The following ACSS2 variants were observed in gnomAD, a reference collection of about 807,000 sequenced individuals.
The protein encoded by ACSS2 is acetyl-coenzyme A synthetase, cytoplasmic.
In ACSS2, 58 loss-of-function variants were observed where a neutral mutation model predicts 90.6. The observed-to-expected ratio is 0.64, with a 90% CI of 0.52 to 0.80. ACSS2 has a LOEUF of 0.80. Among genes scored for constraint, ACSS2 ranks in the 30% least tolerant of loss-of-function variants. The pLI is 0.00. For synonymous variants in ACSS2, 300 were observed against 330.9 expected (o/e 0.91, Z 1.01); for missense variants, 759 against 912.0 (o/e 0.83, Z 2.16).
chr20:34,897,427 T>G (rs1325151107), intron 2 of ACSS2, among the ~76,000 whole-genome samples: 1 of 152,248 alleles, frequency 6.6e-6, no homozygotes, highest in Non-Finnish European at 1.5e-5. Flanking sequence ...AGGCTCTGCC[T>G]TATTCTGGAT....
In ACSS2 at chr20:34,914,655, C is replaced by T. The variant is rs73616612; in HGVS notation, c.834+218C>T. Among the ~76,000 whole-genome samples the T allele has an allele frequency of 1.6e-3, 244 of 152,200 alleles. 1 individual carries two copies. In the East Asian group the frequency reaches 0.037, roughly 23 times the overall value. On this transcript the variant is annotated intron_variant, in intron 7 of 17. Transcript: ENST00000360596. ...TTGTACCTTGAGAACATAGCACAAG[C>T]GATTGTAAGGGAGACTCCTATGCTG...
In ACSS2 at chr20:34,926,299, G is replaced by A; in HGVS notation, c.1903+18G>A. 6.2e-7 allele frequency: 1 copy of A among 1,612,744 alleles called. No individual in the cohort carries two copies. Among genetic ancestry groups the A allele is most frequent in the South Asian group, 1.1e-5 (1 of 90,992 alleles). The stretch of plus-strand genomic sequence containing the variant: ...GAAGCAGAGTAAGGAGCCTCCCTGG[G>A]CAGGGACTATAGGGTCTGTCTTGGA... On this transcript the variant is annotated intron_variant, in intron 16 of 17. Coordinates refer to ENST00000360596, the MANE Select transcript of ACSS2 (RefSeq NM_018677.4).
At chr20:34,877,223 A>G (rs551881381) in intron 1 of ACSS2, among the ~76,000 whole-genome samples, 33 of 152,238 alleles carry the variant, frequency 2.2e-4, no homozygotes, top group African/African-American at 7.9e-4. Context: ...GAGGAGGGCC[A>G]CGAATAGAAC....
At chr20:34,907,417 A>G (rs548073265) in intron 2 of ACSS2, among the ~76,000 whole-genome samples, 13 of 152,304 alleles carry the variant, frequency 8.5e-5, no homozygotes, top group Middle Eastern at 3.4e-3. Flanking sequence ...GCAAAACAGA[A>G]TGATTTGATA....
chr20:34,913,665 T>C lies in ACSS2; in HGVS notation c.571-88T>C, dbSNP rs575623372. The C allele has an allele frequency of 1.2e-4, 156 of 1,356,090 alleles. No homozygotes were observed. The African/African-American group carries it at 1.9e-3, about 17-fold the overall frequency. 84.0% of individuals were successfully genotyped at this position (1,356,090 alleles called of 1,614,324 possible). A position where few individuals can be genotyped will look rare whatever the true frequency, so the allele number is the denominator to read the frequency against. ...TTCTTCTAGGACCCTGGCTTAGAGA[T>C]CCTGAAAGTTCCATGAGCAACCCCT... On this transcript the variant is annotated intron_variant, in intron 4 of 17. Transcript: ENST00000360596.
intron 2 of ACSS2, among the ~76,000 whole-genome samples, chr20:34,909,194 CAAAAAAAAAA>C (rs759144830): frequency 2.2e-5 from 1 of 45,112 alleles, no homozygotes; most frequent in East Asian, 6.8e-4. Flanking sequence ...CCTGTCTTTG[CAAAAAAAAAA>C]AAAAAAAAAA....
chr20:34,920,498 G>T, intron 8 of ACSS2, 41 bp from the exon 9 acceptor site: 2 of 1,593,002 alleles, frequency 1.3e-6, no homozygotes, highest in Non-Finnish European at 1.7e-6. Context: ...GTCAGTAGGG[G>T]TGGGCATAAG....
rs2080096567 is a variant in ACSS2, at chr20:34,882,741, G to T, written c.179-53G>T. The T allele has an allele frequency of 3.2e-6, 5 of 1,565,174 alleles. No individual in the cohort carries two copies. The East Asian group carries it at 1.1e-4, about 35-fold the overall frequency. ...TGTATAGACTGGTAAGCCTTCTGAG[G>T]CTAAATATGTCTCAGAAGATTAATG... is the stretch of plus-strand genomic sequence containing the variant. On this transcript the variant is annotated intron_variant, in intron 1 of 17. Transcript: ENST00000360596.
At chr20:34,926,033 T>G in intron 15 of ACSS2, 72 bp from the exon 16 acceptor site, 1 of 1,537,198 alleles carries the variant, frequency 6.5e-7, no homozygotes, top group Non-Finnish European at 9.0e-7. Flanking sequence ...GACTGCCCCA[T>G]GGGTACAGAT....
At chr20:34,905,540 G>A (rs1327946513) in intron 2 of ACSS2, among the ~76,000 whole-genome samples, 1 of 152,192 alleles carries the variant, frequency 6.6e-6, no homozygotes, top group Non-Finnish European at 1.5e-5. Flanking sequence ...GATTACAGGC[G>A]TGAGCCACCG....
intron 5 of ACSS2, 41 bp downstream of exon 5, chr20:34,913,866 C>A: frequency 6.3e-7 from 1 of 1,590,208 alleles, no homozygotes; most frequent in Non-Finnish European, 8.6e-7. Flanking sequence ...CCCCCCATAC[C>A]TCAAGCCTTG....
At chr20:34,919,678 C>G in intron 8 of ACSS2, 106 bp downstream of exon 8, 1 of 1,438,920 alleles carries the variant, frequency 6.9e-7, no homozygotes, top group Non-Finnish European at 9.3e-7. Context: ...TTATTTTTTT[C>G]CTACAACCCT....
Position 34,913,442 on chromosome 20 carries a change from G to C in ACSS2, c.516G>C (p.Glu172Asp), listed in dbSNP as rs939230074. 1.4e-5 allele frequency: 22 copies of C among 1,613,964 alleles called. No homozygotes were observed. Among genetic ancestry groups the C allele is most frequent in the Non-Finnish European group, 1.6e-5 (19 of 1,180,010 alleles). ...RVAIYMPMIP[E>D]LVVAMLACAR... is the part of the protein sequence containing the mutation. ...CCATCTACATGCCTATGATCCCAGA[G>C]CTTGTGGTGGCCATGCTGGCATGTG... The change falls in exon 4 of 18, where the codon GAG becomes GAC. Residue 172 changes from glutamate (E) to aspartate (D), a missense_variant. Transcript: ENST00000360596.
Position 34,882,853 on chromosome 20 carries a change from C to T in ACSS2, c.238C>T (p.Leu80Phe). The T allele has an allele frequency of 6.2e-7, 1 of 1,613,588 alleles. No individual in the cohort carries two copies. ...YWKTPCPGPF[L>F]RYNFDVTKGK... ...GAAGACTCCATGCCCTGGCCCATTC[C>T]TTCGGTACAACTTTGATGTGACTAA... is the stretch of plus-strand genomic sequence containing the variant. The change falls in exon 2 of 18, where the codon CTT (leucine) becomes TTT (phenylalanine). Residue 80 changes from leucine to phenylalanine, a missense_variant. Coordinates refer to ENST00000360596, the MANE Select transcript of ACSS2 (RefSeq NM_018677.4).
intron 2 of ACSS2, among the ~76,000 whole-genome samples, chr20:34,904,905 C>CTT (rs10542624): frequency 2.2e-4 from 21 of 94,570 alleles, no homozygotes; most frequent in Non-Finnish European, 3.0e-4. Context: ...GTGTTTAAAC[C>CTT]TTTTTTTTTT....
rs940909211 is a variant in ACSS2, at chr20:34,915,163, C to T, written c.834+726C>T. The T allele has an allele frequency of 1.8e-5, 28 of 1,594,408 alleles. No individual in the cohort carries two copies. In the East Asian group the frequency reaches 5.6e-4, roughly 32 times the overall value. On this transcript the variant is annotated intron_variant, in intron 7 of 17. Transcript: ENST00000360596. ...ATGACACACTGACCCTTTCCTCCCACTCCCTGTATACTTGGACCCTCCTCA... is the reference window on the plus strand; with the variant it reads ...ATGACACACTGACCCTTTCCTCCCATTCCCTGTATACTTGGACCCTCCTCA...
chr20:34,915,779 T>A (rs1052507645), intron 7 of ACSS2, among the ~76,000 whole-genome samples: 3 of 152,224 alleles, frequency 2.0e-5, no homozygotes, highest in Admixed American at 6.5e-5. Flanking sequence ...GATTAAGTGC[T>A]AAACTGAACA....
At chr20:34,877,818 C>CAAAAAAAAAAAAAAAAAAAAAAAAA (rs60819156) in intron 1 of ACSS2, among the ~76,000 whole-genome samples, 1 of 91,222 alleles carries the variant, frequency 1.1e-5, no homozygotes, top group Non-Finnish European at 2.0e-5. Flanking sequence ...GACTTTGTCT[C>CAAAAAAAAAAAAAAAAAAAAAAAAA]AAAAAAAAAA....
chr20:34,927,488 C>A lies in ACSS2; in HGVS notation c.*274C>A, dbSNP rs977019847. ...GAGACGAAAAGGCTACCTCTCCTACCCAAGTTAAGTGTTCAAAGGGGATGT... is the reference window on the plus strand; with the variant it reads ...GAGACGAAAAGGCTACCTCTCCTACACAAGTTAAGTGTTCAAAGGGGATGT... On this transcript the variant is annotated 3_prime_UTR_variant, in exon 18 of 18. Coordinates refer to ENST00000360596, the MANE Select transcript of ACSS2 (RefSeq NM_018677.4). This position sits in a 1 kb window ranked among gnomAD's most constrained non-coding sequence, Gnocchi z 4.2. 1.4e-5 allele frequency: 7 copies of A among 490,866 alleles called. No homozygotes were observed. Among genetic ancestry groups the A allele is most frequent in the African/African-American group, 1.4e-4 (7 of 51,794 alleles). The allele number at this position is 490,866 out of a possible 1,614,324, so 30.4% of individuals were successfully genotyped here.
Sources: gnomAD v4.1 joint callset for allele counts (sites outside exome capture counted in the v4.1 genomes callset) on GRCh38, gnomAD v4.1.1 for gene constraint, Gnocchi (gnomAD v3.1) non-coding constraint, MANE v1.5 for transcripts, NCBI Gene and HGNC (gene_info 2026-07-23, HGNC 2026-07-21) for gene names.